GALNT18: variants seen among roughly 807,000 people sequenced by gnomAD.
GALNT18 encodes the protein GalNAc-transferase 18.
In GALNT18, 44 loss-of-function variants were observed where a neutral mutation model predicts 69.5. The ratio of observed to expected loss-of-function variants is 0.63; its 90% CI spans 0.50 to 0.81. GALNT18 has a LOEUF of 0.81. Among genes scored for constraint, GALNT18 ranks in the 40% least tolerant of loss-of-function variants. The pLI is 0.00. For synonymous variants in GALNT18, 364 were observed against 318.2 expected (o/e 1.14, Z -1.53); for missense variants, 715 against 810.0 (o/e 0.88, Z 1.42).
rs930896774 is a variant in GALNT18, at chr11:11,606,569, G to A, written c.235+14790C>T. On this transcript the variant is annotated intron_variant, in intron 1 of 10. Coordinates refer to ENST00000227756, the MANE Select transcript of GALNT18 (RefSeq NM_198516.3). The surrounding 1 kb of genome is among the most constrained non-coding windows in gnomAD (Gnocchi z 5.4). ...GAGAAGAAGCTCTGTTCCCAGATAC[G>A]GAGGCAGCATCACTAGGAGCTGTTG... Among the ~76,000 whole-genome samples, 17 of 152,118 alleles carry A rather than the reference G, an allele frequency of 1.1e-4. No homozygotes were observed. The highest frequency in any genetic ancestry group is 5.2e-4 in the Admixed American group (8 of 15,266).
At chr11:11,395,473 C>T (rs895322689) in intron 3 of GALNT18, among the ~76,000 whole-genome samples, 7 of 152,176 alleles carry the variant, frequency 4.6e-5, no homozygotes, top group African/African-American at 1.7e-4. Context: ...TTAGTCTTCA[C>T]AATGATCCCA....
chr11:11,501,690 A>C (rs1191820763), intron 1 of GALNT18, among the ~76,000 whole-genome samples: 1 of 152,190 alleles, frequency 6.6e-6, no homozygotes, highest in Admixed American at 6.5e-5. Flanking sequence ...GACAACCAGA[A>C]GACCTGGAAC....
rs1215853983 is a variant in GALNT18, at chr11:11,605,482, T to C, written c.235+15877A>G. 1.3e-5 allele frequency among the ~76,000 whole-genome samples: 2 copies of C among 152,180 alleles called. No individual in the cohort carries two copies. The highest frequency in any genetic ancestry group is 2.9e-5 in the Non-Finnish European group (2 of 68,036). ...CTGAAGACACAGGTGGTGGAGTCCA[T>C]TCTGAGGTTCTCACAGACCTCGGGG... is the stretch of plus-strand genomic sequence containing the variant. On this transcript the variant is annotated intron_variant, in intron 1 of 10. Coordinates refer to ENST00000227756, the MANE Select transcript of GALNT18 (RefSeq NM_198516.3). This position sits in a 1 kb window ranked among gnomAD's most constrained non-coding sequence, Gnocchi z 4.7.
chr11:11,594,479 C>A (rs986132010), intron 1 of GALNT18, among the ~76,000 whole-genome samples: 1 of 152,154 alleles, frequency 6.6e-6, no homozygotes, highest in South Asian at 2.1e-4. Flanking sequence ...TATTTCCCAT[C>A]CCCACACTCA....
chr11:11,574,258 T>C (rs1858866055), intron 1 of GALNT18, among the ~76,000 whole-genome samples: 2 of 152,140 alleles, frequency 1.3e-5, no homozygotes, highest in African/African-American at 2.4e-5. Context: ...ACTTTATAGA[T>C]GGCACTGGAG....
At chr11:11,452,202 A>C (rs553121709) in intron 1 of GALNT18, among the ~76,000 whole-genome samples, 1 of 152,314 alleles carries the variant, frequency 6.6e-6, no homozygotes, top group South Asian at 2.1e-4. Flanking sequence ...CTTTACTTCC[A>C]AAGAATTGGT....
At chr11:11,445,555 C>G (rs1333797702) in intron 2 of GALNT18, among the ~76,000 whole-genome samples, 1 of 152,170 alleles carries the variant, frequency 6.6e-6, no homozygotes, top group Admixed American at 6.5e-5. Context: ...ACTGTTTTAC[C>G]TAAGCACATA....
intron 1 of GALNT18, among the ~76,000 whole-genome samples, chr11:11,534,341 G>A (rs1857724871): frequency 1.3e-5 from 2 of 152,196 alleles, no homozygotes; most frequent in Admixed American, 6.5e-5. Flanking sequence ...ATTAGCCCAT[G>A]GTAGGCATAA....
chr11:11,464,512 G>A (rs959141516), intron 1 of GALNT18, among the ~76,000 whole-genome samples: 1 of 152,174 alleles, frequency 6.6e-6, no homozygotes, highest in African/African-American at 2.4e-5. Context: ...TCCTCCTGGT[G>A]GGTGGTTCAG....
chr11:11,354,644 C>T (rs1030790602), intron 6 of GALNT18, among the ~76,000 whole-genome samples: 1 of 152,142 alleles, frequency 6.6e-6, no homozygotes, highest in Non-Finnish European at 1.5e-5. Context: ...TAATTATTAT[C>T]ACTATAATAT....
rs140099738 is a variant in GALNT18, at chr11:11,339,923, C to T, written c.1278+896G>A. Among the ~76,000 whole-genome samples the T allele has an allele frequency of 2.5e-3, 375 of 152,320 alleles. 1 individual carries two copies. Among genetic ancestry groups the T allele is most frequent in the African/African-American group, 8.8e-3 (366 of 41,578 alleles). On this transcript the variant is annotated intron_variant, in intron 7 of 10. Coordinates refer to ENST00000227756, the MANE Select transcript of GALNT18 (RefSeq NM_198516.3). This position sits in a 1 kb window ranked among gnomAD's most constrained non-coding sequence, Gnocchi z 5.2. The stretch of plus-strand genomic sequence containing the variant: ...GATCACTTTGAGCGAAGATCAATCA[C>T]TTCCCCATTAGAAGCTTCCTAAAGG...
At chr11:11,345,084 C>A (rs76166226) in intron 6 of GALNT18, among the ~76,000 whole-genome samples, 1 of 152,134 alleles carries the variant, frequency 6.6e-6, no homozygotes, top group African/African-American at 2.4e-5. Context: ...GGGTTCTTCC[C>A]AAATGCCCAG....
intron 2 of GALNT18, among the ~76,000 whole-genome samples, chr11:11,433,911 G>C (rs986903334): frequency 2.0e-5 from 3 of 152,178 alleles, no homozygotes; most frequent in African/African-American, 7.2e-5. Context: ...CAGGGCGTTA[G>C]GGCTGGTGAC....
chr11:11,589,873 T>C (rs576102146), intron 1 of GALNT18, among the ~76,000 whole-genome samples: 2 of 152,258 alleles, frequency 1.3e-5, no homozygotes, highest in South Asian at 4.1e-4. Flanking sequence ...TGTTGGTGCC[T>C]GGAAAGAGAG....
intron 1 of GALNT18, 144 bp from the exon 2 acceptor site, chr11:11,449,080 T>G: frequency 1.5e-6 from 1 of 653,956 alleles, no homozygotes; most frequent in Non-Finnish European, 2.5e-6. Context: ...TGGGTTTTCA[T>G]GCTTCCCAAA....
intron 1 of GALNT18, among the ~76,000 whole-genome samples, chr11:11,533,914 G>A (rs1036792998): frequency 4.6e-5 from 7 of 152,328 alleles, no homozygotes; most frequent in South Asian, 4.1e-4. Flanking sequence ...CCTGGCAGAT[G>A]GAGTAGGGCT....
chr11:11,486,446 G>T (rs188352015), intron 1 of GALNT18, among the ~76,000 whole-genome samples: 183 of 152,318 alleles, frequency 1.2e-3, no homozygotes, highest in Non-Finnish European at 7.3e-5. Flanking sequence ...GAGATGAGGA[G>T]TAGATCTGAA....
chr11:11,320,573 G>C lies in GALNT18; in HGVS notation c.1512+6513C>G, dbSNP rs1048888743. On this transcript the variant is annotated intron_variant, in intron 9 of 10. Coordinates refer to ENST00000227756, the MANE Select transcript of GALNT18 (RefSeq NM_198516.3). The surrounding 1 kb of genome is among the most constrained non-coding windows in gnomAD (Gnocchi z 4.9). ...ACAGTCTCCTTCTGAGATGTACCCT[G>C]ACTTCATTCTCAGGTAACACGTCCT... Among the ~76,000 whole-genome samples, 2 of 152,146 alleles carry C rather than the reference G, an allele frequency of 1.3e-5. No homozygotes were observed. The highest frequency in any genetic ancestry group is 2.9e-5 in the Non-Finnish European group (2 of 68,022).
chr11:11,351,761 CTTTTTT>C (rs58753775), intron 6 of GALNT18, among the ~76,000 whole-genome samples: 1 of 148,958 alleles, frequency 6.7e-6, no homozygotes, highest in African/African-American at 2.5e-5. Context: ...GAGCAATTTT[CTTTTTT>C]TTTTTTTTCA....
Sources: gnomAD v4.1 joint callset for allele counts (sites outside exome capture counted in the v4.1 genomes callset) on GRCh38, gnomAD v4.1.1 for gene constraint, Gnocchi (gnomAD v3.1) non-coding constraint, MANE v1.5 for transcripts, NCBI Gene and HGNC (gene_info 2026-07-23, HGNC 2026-07-21) for gene names.